KAT6B: variants seen among roughly 807,000 people sequenced by gnomAD.
KAT6B encodes the protein histone acetyltransferase KAT6B.
KAT6B carries 10 observed loss-of-function variants against 187.5 expected under a neutral mutation model. That is an observed-to-expected ratio of 0.05 (90% CI 0.03 to 0.09). The LOEUF (loss-of-function observed/expected upper bound fraction) is 0.09, where lower values mean the gene tolerates loss of function less well. KAT6B is among the 10% of genes least tolerant of loss of function. KAT6B has a pLI of 1.00. For synonymous variants in KAT6B, 861 were observed against 926.8 expected, an observed-to-expected ratio of 0.93 and a Z score of 1.29; for missense variants, 1,952 against 2,558.9, an observed-to-expected ratio of 0.76 and a Z score of 5.12.
At chr10:74,829,397 A>G (rs1192750044) in intron 1 of KAT6B, among the ~76,000 whole-genome samples, 1 of 151,902 alleles carries the variant, frequency 6.6e-6, no homozygotes, top group East Asian at 1.9e-4. Context: ...TCTACAGTGT[A>G]CCCTCAGTTT....
At chr10:75,010,089 C>T (rs552164010) in intron 13 of KAT6B, among the ~76,000 whole-genome samples, 15 of 152,348 alleles carry the variant, frequency 9.8e-5, no homozygotes, top group African/African-American at 1.4e-4. Context: ...ACCCTAGCTC[C>T]GCTACCCAGG....
intron 3 of KAT6B, among the ~76,000 whole-genome samples, chr10:74,864,044 T>C (rs1843376627): frequency 6.6e-6 from 1 of 152,206 alleles, no homozygotes; most frequent in Non-Finnish European, 1.5e-5. Flanking sequence ...TTGTAAATAT[T>C]ATTCACACTT....
chr10:74,969,115 T>C (rs2133644712), intron 4 of KAT6B, among the ~76,000 whole-genome samples: 1 of 152,352 alleles, frequency 6.6e-6, no homozygotes, highest in South Asian at 2.1e-4. Context: ...GGCAATGGAA[T>C]ATCCTCTGTC....
intron 3 of KAT6B, among the ~76,000 whole-genome samples, chr10:74,857,541 T>C (rs1842900039): frequency 6.6e-6 from 1 of 152,230 alleles, no homozygotes; most frequent in African/African-American, 2.4e-5. Flanking sequence ...CTTAACTTTA[T>C]CATATCTGCA....
Position 74,985,248 on chromosome 10 carries a change from C to A in KAT6B, c.2535+7C>A. On this transcript the variant is annotated splice_region_variant and intron_variant, in intron 12 of 17. Coordinates refer to ENST00000287239, the MANE Select transcript of KAT6B (RefSeq NM_012330.4). ...GGTTGGATACTTCTCTAAGGTAAAACAAGAGCCAGCATGACCTTCATTTTC... is the reference window on the plus strand; with the variant it reads ...GGTTGGATACTTCTCTAAGGTAAAAAAAGAGCCAGCATGACCTTCATTTTC... 1.9e-6 allele frequency: 3 copies of A among 1,613,744 alleles called. No homozygotes were observed. The highest frequency in any genetic ancestry group is 2.2e-5 in the South Asian group (2 of 91,070).
At chr10:74,918,303 A>G (rs1447592097) in intron 3 of KAT6B, among the ~76,000 whole-genome samples, 1 of 152,254 alleles carries the variant, frequency 6.6e-6, no homozygotes. Flanking sequence ...TTGTTCTAAT[A>G]TATTCTAGTG....
chr10:74,977,666 CAG>C (rs775371162), intron 9 of KAT6B, among the ~76,000 whole-genome samples: 2 of 152,110 alleles, frequency 1.3e-5, no homozygotes, highest in South Asian at 2.1e-4. Flanking sequence ...CAAAATAAAA[CAG>C]AGTAGCATTA....
chr10:74,872,451 G>A (rs1008563945), intron 3 of KAT6B, among the ~76,000 whole-genome samples: 14 of 152,044 alleles, frequency 9.2e-5, no homozygotes, highest in Admixed American at 6.6e-5. Flanking sequence ...TCTCGGCTCA[G>A]CGCAACCTCT....
chr10:74,879,109 A>C lies in KAT6B; in HGVS notation c.621+35631A>C, dbSNP rs2132498050. Among the ~76,000 whole-genome samples the C allele has an allele frequency of 2.6e-5, 4 of 152,328 alleles. No individual in the cohort carries two copies. In the South Asian group the frequency reaches 8.3e-4, roughly 32 times the overall value. ...TGGGATGTCAAGAAAGTAGCTTCCC[A>C]GTCTCTTTGGTTAGAAGGCAAAGGA... On this transcript the variant is annotated intron_variant, in intron 3 of 17. Coordinates refer to ENST00000287239, the MANE Select transcript of KAT6B (RefSeq NM_012330.4).
intron 4 of KAT6B, among the ~76,000 whole-genome samples, chr10:74,963,657 G>T (rs1841258406): frequency 6.6e-6 from 1 of 152,116 alleles, no homozygotes; most frequent in Admixed American, 6.5e-5. Context: ...ACTGGTAGGG[G>T]CAGTGTGTGG....
At chr10:74,859,691 T>C (rs905216549) in intron 3 of KAT6B, among the ~76,000 whole-genome samples, 2 of 152,206 alleles carry the variant, frequency 1.3e-5, no homozygotes, top group African/African-American at 4.8e-5. Flanking sequence ...CTAGAGCTGA[T>C]AAAAAAGATG....
intron 3 of KAT6B, among the ~76,000 whole-genome samples, chr10:74,866,948 A>G (rs1056546877): frequency 6.6e-6 from 1 of 152,342 alleles, no homozygotes; most frequent in Middle Eastern, 3.4e-3. Context: ...TTGGGGAAAT[A>G]CTGTATCAGG....
intron 3 of KAT6B, among the ~76,000 whole-genome samples, chr10:74,946,124 G>A (rs1423392209): frequency 6.6e-6 from 1 of 152,152 alleles, no homozygotes; most frequent in Non-Finnish European, 1.5e-5. Context: ...TAGATTTAGG[G>A]TTATTCAGAT....
chr10:74,959,780 C>T (rs1840960779), intron 3 of KAT6B, among the ~76,000 whole-genome samples, 190 bp from the exon 4 acceptor site: 2 of 152,216 alleles, frequency 1.3e-5, no homozygotes, highest in South Asian at 2.1e-4. Context: ...CAGAGCGAGA[C>T]TTCGTCTCAA....
chr10:74,888,280 G>T (rs575784282), intron 3 of KAT6B, among the ~76,000 whole-genome samples: 2 of 152,148 alleles, frequency 1.3e-5, no homozygotes, highest in Non-Finnish European at 2.9e-5. Context: ...TGTAATGTCT[G>T]TATCACCAAA....
At chr10:74,868,023 T>C (rs1843673138) in intron 3 of KAT6B, among the ~76,000 whole-genome samples, 1 of 152,222 alleles carries the variant, frequency 6.6e-6, no homozygotes, top group African/African-American at 2.4e-5. Context: ...TTGAAGAAAA[T>C]ACACTTTCAT....
chr10:75,019,815 A>G (rs1239880436), intron 13 of KAT6B, among the ~76,000 whole-genome samples: 1 of 147,952 alleles, frequency 6.8e-6, no homozygotes, highest in East Asian at 2.0e-4. Flanking sequence ...AGGAACCTTC[A>G]CAGTAATGCT....
chr10:74,861,067 G>T (rs1166681068), intron 3 of KAT6B, among the ~76,000 whole-genome samples: 1 of 152,140 alleles, frequency 6.6e-6, no homozygotes, highest in African/African-American at 2.4e-5. Context: ...AACCCGGGAG[G>T]TGGAGGTTGC....
At chr10:74,927,200 C>T (rs959243158) in intron 3 of KAT6B, among the ~76,000 whole-genome samples, 1 of 152,118 alleles carries the variant, frequency 6.6e-6, no homozygotes, top group Admixed American at 6.5e-5. Context: ...TGACAAAGGC[C>T]CTATTCAGAC....
Sources: allele counts gnomAD v4.1 joint callset (sites outside exome capture counted in the v4.1 genomes callset), GRCh38; gene constraint gnomAD v4.1.1; transcripts MANE v1.5; gene names NCBI Gene and HGNC (gene_info 2026-07-23, HGNC 2026-07-21).